The following BAD variants were observed in gnomAD, a reference collection of about 807,000 sequenced individuals.
BAD encodes the protein BCL2 associated agonist of cell death.
Under a neutral mutation model 17.8 loss-of-function variants are expected in BAD, and 18 were observed. The observed-to-expected ratio is 1.01, with a 90% confidence interval of 0.70 to 1.50. The LOEUF (loss-of-function observed/expected upper bound fraction) is 1.50. Among genes scored for constraint, BAD ranks in the 40% most tolerant of loss-of-function variants. The pLI is 0.00. For missense variants in BAD, 294 were observed against 239.3 expected (o/e 1.23, Z -1.51); for synonymous variants, 112 against 91.5 (o/e 1.22, Z -1.28).
rs1336528794 is a variant in BAD at position 64,271,595 on chromosome 11, C to T, written c.378+18G>A. ...GCCTGGTACTTCAGGTCCTGGCACG[C>T]TGGGGACTGGCGCTCACCTTAAAGG... On this transcript the variant is annotated intron_variant, in intron 3 of 3. Coordinates refer to ENST00000309032, the MANE Select transcript of BAD (RefSeq NM_032989.3). 1.4e-6 allele frequency: 2 copies of T among 1,414,164 alleles called. No individual in the cohort carries two copies. The highest frequency in any genetic ancestry group is 1.8e-6 in the Non-Finnish European group (2 of 1,082,978). 87.6% of individuals were successfully genotyped at this position (1,414,164 alleles called of 1,614,324 possible).
Position 64,274,992 on chromosome 11 carries a change from C to CAAAAAA in BAD, c.188-3195_188-3190dup, listed in dbSNP as rs34418386. Among the ~76,000 whole-genome samples the CAAAAAA allele has an allele frequency of 1.3e-3, 68 of 54,396 alleles. 6 individuals are homozygous for CAAAAAA. The highest frequency in any genetic ancestry group is 3.8e-3 in the African/African-American group (41 of 10,844). 35.7% of individuals were successfully genotyped at this position (54,396 alleles called of 152,430 possible). A position where few individuals can be genotyped will look rare whatever the true frequency, so the allele number is the denominator to read the frequency against. ...TGGGAGACAGAGTGAGACTTTGTCT[C>CAAAAAA]AAAAAAAAAAAAAAAAAAAAAAAGC... On this transcript the variant is annotated intron_variant, in intron 2 of 3. Transcript: ENST00000309032.
At chr11:64,279,162 C>G (rs1213159584) in intron 2 of BAD, among the ~76,000 whole-genome samples, 1 of 152,142 alleles carries the variant, frequency 6.6e-6, no homozygotes, top group Non-Finnish European at 1.5e-5. Flanking sequence ...TCCCCTCAGA[C>G]TCATTCCCAG....
intron 2 of BAD, chr11:64,276,224 C>A (rs1199173534): frequency 6.6e-6 from 1 of 150,954 alleles, no homozygotes; most frequent in Non-Finnish European, 1.5e-5. Flanking sequence ...AAGATGATAC[C>A]CATTTGTGTA....
intron 2 of BAD, among the ~76,000 whole-genome samples, chr11:64,273,326 T>C (rs2032780832): frequency 6.6e-6 from 1 of 152,170 alleles, no homozygotes; most frequent in Non-Finnish European, 1.5e-5. Flanking sequence ...TGAGCCGAGA[T>C]TGTGCCACTG....
intron 2 of BAD, among the ~76,000 whole-genome samples, chr11:64,277,771 T>C (rs991501947): frequency 2.6e-5 from 4 of 152,136 alleles, no homozygotes; most frequent in African/African-American, 9.7e-5. Flanking sequence ...TTTTCCTAAG[T>C]TAGCTGAAAA....
chr11:64,280,050 G>T (rs2033338954), intron 2 of BAD, among the ~76,000 whole-genome samples: 1 of 151,846 alleles, frequency 6.6e-6, no homozygotes, highest in Non-Finnish European at 1.5e-5. Context: ...AGGCGCGGTG[G>T]CTCACGCCTG....
intron 2 of BAD, among the ~76,000 whole-genome samples, chr11:64,281,480 G>C (rs1392764308): frequency 6.6e-6 from 1 of 152,182 alleles, no homozygotes; most frequent in African/African-American, 2.4e-5. Flanking sequence ...CAAAGGCAAT[G>C]CCAGAGTCCT....
intron 3 of BAD, 117 bp from the exon 4 acceptor site, chr11:64,270,454 A>T: frequency 7.3e-7 from 1 of 1,370,688 alleles, no homozygotes; most frequent in Admixed American, 2.4e-5. Context: ...TGAAGGCCAC[A>T]ACTCCCAGGA....
At position 64,284,312 on chromosome 11, in the gene BAD, C is replaced by T. The variant is rs757378259; in HGVS notation, c.57G>A (p.Glu19=). Residue 19 remains glutamate (E), a synonymous_variant, in exon 2 of 4, where the codon GAG becomes GAA. Coordinates refer to ENST00000309032, the MANE Select transcript of BAD (RefSeq NM_032989.3). ...PSEQEDSSSA[E]RGLGPSPAGD... is the part of the protein sequence containing the mutation. ...CTGCGGGGCTGGGGCCCAGGCCCCT[C>T]TCTGCAGAGCTGGAGTCTTCCTGCT... The T allele has an allele frequency of 4.0e-5, 65 of 1,612,438 alleles. No individual in the cohort carries two copies. The highest frequency in any genetic ancestry group is 5.5e-5 in the Non-Finnish European group (65 of 1,179,962).
intron 3 of BAD, 141 bp from the exon 4 acceptor site, chr11:64,270,478 G>C: frequency 8.1e-7 from 1 of 1,240,716 alleles, no homozygotes; most frequent in Non-Finnish European, 1.1e-6. Context: ...TCCACGCCGG[G>C]CGGTCAGGGA....
chr11:64,283,513 G>A (rs1340271932), intron 2 of BAD, among the ~76,000 whole-genome samples: 1 of 152,212 alleles, frequency 6.6e-6, no homozygotes, highest in Non-Finnish European at 1.5e-5. Flanking sequence ...TGCTGTCTGG[G>A]AGGACTGTCT....
At chr11:64,275,514 A>G (rs888670888) in intron 2 of BAD, among the ~76,000 whole-genome samples, 2 of 152,098 alleles carry the variant, frequency 1.3e-5, no homozygotes, top group Non-Finnish European at 2.9e-5. Context: ...AGAGCAGGAA[A>G]GCCCCCTACC....
chr11:64,281,696 C>T (rs1307187324), intron 2 of BAD, among the ~76,000 whole-genome samples: 1 of 152,324 alleles, frequency 6.6e-6, no homozygotes, highest in East Asian at 1.9e-4. Flanking sequence ...GCTACCATCA[C>T]TCCCCCCGCC....
intron 2 of BAD, among the ~76,000 whole-genome samples, chr11:64,279,918 T>C (rs1468161882): frequency 2.0e-5 from 3 of 151,952 alleles, no homozygotes; most frequent in Non-Finnish European, 4.4e-5. Context: ...GCACTGTGGC[T>C]CATGCCTGTA....
rs116471036 is a variant in BAD, at chr11:64,283,655, G to C, written c.187+527C>G. Among the ~76,000 whole-genome samples the C allele has an allele frequency of 5.3e-3, 800 of 152,312 alleles. 5 individuals are homozygous for C. Among genetic ancestry groups the C allele is most frequent in the African/African-American group, 0.018 (760 of 41,568 alleles). ...CAGGGAAAGCATGTAGCCTGGGGCA[G>C]GGCACCAAGGAGGCTTCCAGCCCCC... is the stretch of plus-strand genomic sequence containing the variant. On this transcript the variant is annotated intron_variant, in intron 2 of 3. Transcript: ENST00000309032.
At chr11:64,282,069 T>C (rs1297677665) in intron 2 of BAD, among the ~76,000 whole-genome samples, 3 of 152,136 alleles carry the variant, frequency 2.0e-5, no homozygotes, top group Non-Finnish European at 4.4e-5. Context: ...TCACGCATGA[T>C]AGGATGCTTT....
Position 64,270,075 on chromosome 11 carries a change from G to A in BAD, c.*134C>T. 7 of 1,454,090 alleles carry A rather than the reference G, an allele frequency of 4.8e-6. No homozygotes were observed. Among genetic ancestry groups the A allele is most frequent in the South Asian group, 2.4e-5 (2 of 82,026 alleles). The allele number at this position is 1,454,090 out of a possible 1,614,324, so 90.1% of individuals were successfully genotyped here. A position where few individuals can be genotyped will look rare whatever the true frequency, so the allele number is the denominator to read the frequency against. On this transcript the variant is annotated 3_prime_UTR_variant, in exon 4 of 4. Coordinates refer to ENST00000309032, the MANE Select transcript of BAD (RefSeq NM_032989.3). ...TTCACACGCACCGGAAGGGAATCTG[G>A]GTCAGCCCTCCCTCCAAAGGAGACA...
chr11:64,273,066 T>C (rs979740617), intron 2 of BAD, among the ~76,000 whole-genome samples: 1 of 151,870 alleles, frequency 6.6e-6, no homozygotes, highest in Non-Finnish European at 1.5e-5. Flanking sequence ...TCTCTATTAA[T>C]TTAAAAAATT....
rs11231735 is a variant in BAD at position 64,272,526 on chromosome 11, C to T, written c.188-723G>A. Among the ~76,000 whole-genome samples the T allele has an allele frequency of 0.041, 6,238 of 152,242 alleles. 786 individuals are homozygous for T. In the East Asian group the frequency reaches 0.5, roughly 12 times the overall value. On this transcript the variant is annotated intron_variant, in intron 2 of 3. Transcript: ENST00000309032. ...AGCCCCTGGAGAACAAGAACTTGGC[C>T]GCTACATGTCCGCATCCCCCACAGA...
Sources: allele counts gnomAD v4.1 joint callset (sites outside exome capture counted in the v4.1 genomes callset), GRCh38; gene constraint gnomAD v4.1.1; transcripts MANE v1.5; gene names NCBI Gene and HGNC (gene_info 2026-07-23, HGNC 2026-07-21).